CPQ: variants seen among roughly 807,000 people sequenced by gnomAD.
CPQ encodes Ser-Met dipeptidase.
A neutral mutation model predicts 45.7 loss-of-function variants in CPQ; 37 were observed. The ratio of observed to expected loss-of-function variants is 0.81; its 90% CI spans 0.62 to 1.07. The LOEUF is 1.07. CPQ is among the 50% of genes least tolerant of loss of function. The pLI is 0.00. For synonymous variants in CPQ, 186 were observed against 205.8 expected, an observed-to-expected ratio of 0.90 and a Z score of 0.82; for missense variants, 537 against 572.9, an observed-to-expected ratio of 0.94 and a Z score of 0.64.
chr8:97,029,431 G>C lies in CPQ; in HGVS notation c.990G>C (p.Leu330=), dbSNP rs7840421. The change falls in exon 6 of 8, where the codon CTG becomes CTC. Residue 330 remains leucine, a synonymous_variant. Coordinates refer to ENST00000220763, the MANE Select transcript of CPQ (RefSeq NM_016134.4). ...TGCGTCCAAAGAGGACTCTGCGGCT[G>C]GTGCTCTGGACTGCAGAAGAACAAG... ...LGLRPKRTLR[L]VLWTAEEQGG... 3.1e-6 allele frequency: 5 copies of C among 1,608,566 alleles called. No homozygotes were observed.
At chr8:96,902,892 C>T (rs550472679) in intron 4 of CPQ, among the ~76,000 whole-genome samples, 4 of 152,180 alleles carry the variant, frequency 2.6e-5, no homozygotes, top group African/African-American at 4.8e-5. Context: ...ACTGTCCAAT[C>T]GACTTCTCTG....
rs192076964 is a variant in CPQ at position 96,870,311 on chromosome 8, G to C, written c.642-9487G>C. 1.4e-3 allele frequency among the ~76,000 whole-genome samples: 210 copies of C among 152,106 alleles called. 2 individuals are homozygous for C. The highest frequency in any genetic ancestry group is 0.01 in the Admixed American group (155 of 15,256). ...AGCACTTGACCCATTCAGGGATCCT[G>C]TGTTTGTCATTTCTCTTCAGAAATG... is the stretch of plus-strand genomic sequence containing the variant. On this transcript the variant is annotated intron_variant, in intron 3 of 7. Transcript: ENST00000220763.
chr8:96,877,030 A>T (rs1405420027), intron 3 of CPQ, among the ~76,000 whole-genome samples: 2 of 152,136 alleles, frequency 1.3e-5, no homozygotes, highest in Non-Finnish European at 2.9e-5. Flanking sequence ...TCTTATTTAG[A>T]TTAGTTATGG....
intron 1 of CPQ, among the ~76,000 whole-genome samples, chr8:96,780,586 ATATT>A (rs536981950): frequency 5.6e-4 from 86 of 152,278 alleles, no homozygotes; most frequent in African/African-American, 1.9e-3. Context: ...TTTATCTGAA[ATATT>A]TATTTATTTT....
intron 5 of CPQ, among the ~76,000 whole-genome samples, chr8:97,005,396 G>A (rs1809364612): frequency 6.6e-6 from 1 of 151,602 alleles, no homozygotes; most frequent in African/African-American, 2.4e-5. Context: ...CATTTTATAT[G>A]GACTGATTTA....
In CPQ at chr8:96,718,374, T is replaced by G. The variant is rs965113130; in HGVS notation, c.-34-66490T>G. Among the ~76,000 whole-genome samples the G allele has an allele frequency of 4.6e-5, 7 of 152,158 alleles. No individual in the cohort carries two copies. The East Asian group carries it at 1.2e-3, about 25-fold the overall frequency. ...TCGGAGTTTCTTCCTTCTGGTGGGT[T>G]CGTGGTCTCACTGGCTCAGGAGTGA... On this transcript the variant is annotated intron_variant, in intron 1 of 7. Coordinates refer to ENST00000220763, the MANE Select transcript of CPQ (RefSeq NM_016134.4).
At chr8:96,887,369 C>T (rs892918215) in intron 4 of CPQ, among the ~76,000 whole-genome samples, 4 of 152,174 alleles carry the variant, frequency 2.6e-5, no homozygotes, top group African/African-American at 9.7e-5. Context: ...AGAGGAGACT[C>T]CTGAGAGCGA....
intron 4 of CPQ, among the ~76,000 whole-genome samples, chr8:96,908,508 C>T (rs1251383320): frequency 6.6e-6 from 1 of 152,044 alleles, no homozygotes; most frequent in Non-Finnish European, 1.5e-5. Flanking sequence ...AACTGGATCC[C>T]TATGAAACTG....
intron 4 of CPQ, among the ~76,000 whole-genome samples, chr8:96,907,884 G>A (rs900107829): frequency 6.6e-6 from 1 of 152,160 alleles, no homozygotes; most frequent in Non-Finnish European, 1.5e-5. Context: ...AATATGAATA[G>A]TCTTCTAGTT....
chr8:96,834,008 A>G (rs1016811624), intron 2 of CPQ, among the ~76,000 whole-genome samples: 1 of 152,242 alleles, frequency 6.6e-6, no homozygotes, highest in Non-Finnish European at 1.5e-5. Context: ...GACATACTTC[A>G]TGACTGCATG....
At chr8:96,717,011 A>C (rs1809683014) in intron 1 of CPQ, among the ~76,000 whole-genome samples, 1 of 120,030 alleles carries the variant, frequency 8.3e-6, no homozygotes, top group Non-Finnish European at 1.6e-5. Flanking sequence ...GCTGAGCAGT[A>C]TTCCATGATA....
intron 1 of CPQ, among the ~76,000 whole-genome samples, chr8:96,654,267 A>G (rs148869452): frequency 5.9e-5 from 9 of 152,096 alleles, no homozygotes; most frequent in African/African-American, 2.2e-4. Flanking sequence ...CTTTTTTCCC[A>G]CTATATTTAC....
At chr8:96,670,539 AAC>A (rs1808988615) in intron 1 of CPQ, among the ~76,000 whole-genome samples, 1 of 152,192 alleles carries the variant, frequency 6.6e-6, no homozygotes, top group African/African-American at 2.4e-5. Context: ...AAAGAAAATT[AAC>A]AGAGACAGAC....
intron 5 of CPQ, among the ~76,000 whole-genome samples, chr8:96,969,679 C>T (rs138996188): frequency 1.1e-3 from 175 of 152,214 alleles, no homozygotes; most frequent in African/African-American, 4.0e-3. Flanking sequence ...CAGTAGCAGT[C>T]TTGGGATTAT....
intron 1 of CPQ, among the ~76,000 whole-genome samples, chr8:96,743,759 C>A (rs1810130588): frequency 6.6e-6 from 1 of 152,208 alleles, no homozygotes; most frequent in South Asian, 2.1e-4. Flanking sequence ...TGTGCCCCTG[C>A]TGGGGGGTGC....
chr8:96,747,115 A>C (rs1425712241), intron 1 of CPQ, among the ~76,000 whole-genome samples: 5 of 151,900 alleles, frequency 3.3e-5, no homozygotes, highest in Non-Finnish European at 7.4e-5. Context: ...ACATGTTGAA[A>C]CGCTGTCTCT....
At chr8:97,092,642 C>CCTTGTG (rs1811145421) in intron 7 of CPQ, 2 of 152,132 alleles carry the variant, frequency 1.3e-5, no homozygotes, top group Admixed American at 6.6e-5. Context: ...AAACTGGACT[C>CCTTGTG]CTTCCTCTCA....
intron 3 of CPQ, among the ~76,000 whole-genome samples, chr8:96,855,862 T>C (rs4735441): frequency 0.091 from 13,926 of 152,238 alleles, 828 homozygotes; most frequent in East Asian, 0.22. Context: ...GGAAGACTTC[T>C]CCAGAAGAGC....
intron 1 of CPQ, among the ~76,000 whole-genome samples, chr8:96,714,905 T>C (rs1809655657): frequency 6.6e-6 from 1 of 152,230 alleles, no homozygotes; most frequent in African/African-American, 2.4e-5. Flanking sequence ...AGACTCTGTA[T>C]GAAATTCGTT....
Sources: gnomAD v4.1 joint callset for allele counts (sites outside exome capture counted in the v4.1 genomes callset) on GRCh38, gnomAD v4.1.1 for gene constraint, MANE v1.5 for transcripts, NCBI Gene and HGNC (gene_info 2026-07-23, HGNC 2026-07-21) for gene names.